MCC: variants seen among roughly 807,000 people sequenced by gnomAD.
MCC encodes MCC regulator of Wnt signaling pathway.
In MCC, 90 loss-of-function variants were observed where a neutral mutation model predicts 116.2. The ratio of observed to expected loss-of-function variants is 0.77; its 90% CI spans 0.65 to 0.92. The LOEUF is 0.92. Ranked by LOEUF, MCC falls within the 40% of genes least tolerant of loss-of-function variation. MCC has a pLI of 0.00. For missense variants in MCC, 1,516 were observed against 1,312.2 expected, an observed-to-expected ratio of 1.16 and a Z score of -2.40; for synonymous variants, 578 against 510.5, an observed-to-expected ratio of 1.13 and a Z score of -1.78.
At chr5:113,322,844 G>T (rs1161369648) in intron 3 of MCC, among the ~76,000 whole-genome samples, 1 of 152,200 alleles carries the variant, frequency 6.6e-6, no homozygotes, top group Non-Finnish European at 1.5e-5. Flanking sequence ...CAGCCTCCAA[G>T]ATAGCCTACA....
intron 5 of MCC, among the ~76,000 whole-genome samples, chr5:113,128,636 A>G (rs936874784): frequency 6.6e-6 from 1 of 152,240 alleles, no homozygotes; most frequent in Admixed American, 6.5e-5. Flanking sequence ...TCCTATGAAT[A>G]TAACAATCCA....
At chr5:113,050,334 C>T (rs371062374) in intron 15 of MCC, among the ~76,000 whole-genome samples, 1 of 152,138 alleles carries the variant, frequency 6.6e-6, no homozygotes, top group East Asian at 1.9e-4. Context: ...CCAGGTCCAG[C>T]CTTCCCAGCC....
chr5:113,029,732 C>T (rs902629934), intron 17 of MCC, among the ~76,000 whole-genome samples: 2 of 152,318 alleles, frequency 1.3e-5, no homozygotes, highest in African/African-American at 4.8e-5. Context: ...AGCTCATTGC[C>T]TTCCTCTAAT....
intron 2 of MCC, among the ~76,000 whole-genome samples, chr5:113,363,944 G>T (rs902281494): frequency 1.3e-5 from 2 of 152,014 alleles, no homozygotes; most frequent in Non-Finnish European, 2.9e-5. Flanking sequence ...CCAAAAGAAA[G>T]AAACTATAGC....
intron 3 of MCC, among the ~76,000 whole-genome samples, chr5:113,305,640 A>C (rs1193947624): frequency 1.3e-5 from 2 of 151,984 alleles, no homozygotes; most frequent in Non-Finnish European, 2.9e-5. Context: ...GTCACCTTAC[A>C]TTTTGGTTAC....
chr5:113,118,527 G>C (rs1048258539), intron 6 of MCC, among the ~76,000 whole-genome samples: 1 of 152,194 alleles, frequency 6.6e-6, no homozygotes, highest in African/African-American at 2.4e-5. Flanking sequence ...GGGTGGTTAT[G>C]AAAACAAAAG....
chr5:113,129,293 C>G (rs547650600), intron 5 of MCC, among the ~76,000 whole-genome samples: 16 of 152,152 alleles, frequency 1.1e-4, no homozygotes, highest in Non-Finnish European at 1.0e-4. Context: ...AGAGTGCCGT[C>G]AGGAAGGAAA....
At chr5:113,184,042 C>T (rs916678119) in intron 3 of MCC, among the ~76,000 whole-genome samples, 1 of 152,138 alleles carries the variant, frequency 6.6e-6, no homozygotes, top group Non-Finnish European at 1.5e-5. Context: ...TTTTATTCCC[C>T]TCTAAAGCTC....
intron 3 of MCC, among the ~76,000 whole-genome samples, chr5:113,249,904 G>T (rs1764728567): frequency 6.6e-6 from 1 of 152,152 alleles, no homozygotes; most frequent in South Asian, 2.1e-4. Flanking sequence ...GTGACTCTAA[G>T]ATTTGCCATG....
intron 3 of MCC, among the ~76,000 whole-genome samples, chr5:113,207,050 T>C (rs1685133538): frequency 6.6e-6 from 1 of 152,180 alleles, no homozygotes; most frequent in Non-Finnish European, 1.5e-5. Flanking sequence ...GTGGGCACTG[T>C]AGTTGGAACC....
intron 5 of MCC, among the ~76,000 whole-genome samples, chr5:113,127,949 GTCTCC>G (rs1758173742): frequency 1.3e-5 from 2 of 152,172 alleles, no homozygotes; most frequent in African/African-American, 2.4e-5. Flanking sequence ...TGCCTAGGTT[GTCTCC>G]CATAATCCTC....
intron 3 of MCC, among the ~76,000 whole-genome samples, chr5:113,265,391 A>G (rs1261497919): frequency 2.6e-5 from 4 of 152,040 alleles, no homozygotes; most frequent in Admixed American, 6.6e-5. Context: ...ATGAACCCCA[A>G]CCTCAATGTC....
At chr5:113,321,527 G>T (rs1452333032) in intron 3 of MCC, among the ~76,000 whole-genome samples, 1 of 152,178 alleles carries the variant, frequency 6.6e-6, no homozygotes, top group African/African-American at 2.4e-5. Flanking sequence ...CTCCCAAGGG[G>T]GATGGTGATG....
intron 5 of MCC, among the ~76,000 whole-genome samples, chr5:113,139,472 C>T (rs1314088311): frequency 6.6e-6 from 1 of 152,134 alleles, no homozygotes; most frequent in Non-Finnish European, 1.5e-5. Context: ...TTCCTAATCT[C>T]ACACATGAAT....
In MCC at chr5:113,104,283, T is replaced by C. The variant is rs775766490; in HGVS notation, c.1100A>G (p.Lys367Arg). 2.0e-5 allele frequency: 33 copies of C among 1,613,968 alleles called. No individual in the cohort carries two copies. The highest frequency in any genetic ancestry group is 1.7e-4 in the Middle Eastern group (1 of 6,000). The change falls in exon 7 of 19, where the codon AAG (lysine) becomes AGG (arginine). Residue 367 changes from lysine (K) to arginine (R), a missense_variant. Lys to Arg is a conservative substitution (Grantham distance 26, BLOSUM62 2). Coordinates refer to ENST00000408903, the MANE Select transcript of MCC (RefSeq NM_001085377.2). ...TGLENVVCGR[K>R]KSSCSLSVAE... Reference sequence around the variant, plus strand: ...CACGGAGAGGCTGCAGCTGCTCTTCTTCCTGCCGCAGACAACATTCTCCAG... The same window carrying C: ...CACGGAGAGGCTGCAGCTGCTCTTCCTCCTGCCGCAGACAACATTCTCCAG...
Position 113,049,321 on chromosome 5 carries a change from G to C in MCC, c.2449-22C>G, listed in dbSNP as rs574567994. 3.0e-5 allele frequency: 46 copies of C among 1,539,952 alleles called. No individual in the cohort carries two copies. In the East Asian group the frequency reaches 1.1e-3, roughly 37 times the overall value. ...CCTCCTACAGACAAAGGAGCACAGAGCACATGAGGCATGCCCTATCTGAGA... is the reference window on the plus strand; with the variant it reads ...CCTCCTACAGACAAAGGAGCACAGACCACATGAGGCATGCCCTATCTGAGA... On this transcript the variant is annotated intron_variant, in intron 15 of 18. Transcript: ENST00000408903.
intron 14 of MCC, among the ~76,000 whole-genome samples, chr5:113,054,628 G>C (rs1316584535): frequency 6.6e-6 from 1 of 152,208 alleles, no homozygotes; most frequent in Non-Finnish European, 1.5e-5. Context: ...GAAAAACACA[G>C]GGGTGCACAA....
intron 3 of MCC, among the ~76,000 whole-genome samples, chr5:113,258,524 C>T (rs1303942490): frequency 2.6e-5 from 4 of 152,238 alleles, no homozygotes; most frequent in African/African-American, 9.6e-5. Context: ...GTAAACTGCA[C>T]TGCAAGGAAT....
In MCC at chr5:113,046,710, A is replaced by AAGAG. The variant is rs1554107699; in HGVS notation, c.2655+2379_2655+2382dup. 5.0e-4 allele frequency among the ~76,000 whole-genome samples: 51 copies of AAGAG among 102,462 alleles called. 2 individuals are homozygous for AAGAG. Among genetic ancestry groups the AAGAG allele is most frequent in the African/African-American group, 1.7e-3 (43 of 25,084 alleles). The allele number at this position is 102,462 out of a possible 152,430, so 67.2% of individuals were successfully genotyped here. On this transcript the variant is annotated intron_variant, in intron 16 of 18. Coordinates refer to ENST00000408903, the MANE Select transcript of MCC (RefSeq NM_001085377.2). Reference sequence around the variant, plus strand: ...CAAAAAAAAAAAAAAAAAAAAAAAAAAGAGAGAGATTTTGAAGGTGTTTGT... The same window carrying AAGAG: ...CAAAAAAAAAAAAAAAAAAAAAAAAAAGAGAGAGAGAGATTTTGAAGGTGTTTGT...
Sources: gnomAD v4.1 joint callset for allele counts (sites outside exome capture counted in the v4.1 genomes callset) on GRCh38, gnomAD v4.1.1 for gene constraint, MANE v1.5 for transcripts, NCBI Gene and HGNC (gene_info 2026-07-23, HGNC 2026-07-21) for gene names.